Variants in TNN observed in about 807,000 individuals in gnomAD.
TNN encodes tenascin-N.
A neutral mutation model predicts 134.4 loss-of-function variants in TNN; 122 were observed. The ratio of observed to expected loss-of-function variants is 0.91; its 90% confidence interval spans 0.78 to 1.06. The LOEUF is 1.06. Among genes scored for constraint, TNN ranks in the 50% least tolerant of loss-of-function variants. The pLI is 0.00. For missense variants in TNN, 1,739 were observed against 1,699.4 expected, an observed-to-expected ratio of 1.02 and a Z score of -0.41; for synonymous variants, 710 against 670.3, an observed-to-expected ratio of 1.06 and a Z score of -0.91.
At chr1:175,143,503 G>T (rs1201195980) in intron 17 of TNN, among the ~76,000 whole-genome samples, 1 of 132,326 alleles carries the variant, frequency 7.6e-6, no homozygotes, top group East Asian at 2.7e-4. Flanking sequence ...GGAAGTTCAG[G>T]AGTGTTTGTG....
chr1:175,125,014 G>A (rs969695301), intron 12 of TNN, among the ~76,000 whole-genome samples: 1 of 152,234 alleles, frequency 6.6e-6, no homozygotes, highest in Non-Finnish European at 1.5e-5. Flanking sequence ...CAGTCAAAGA[G>A]GTGGCAGGAG....
At chr1:175,104,359 C>T (rs541530860) in intron 9 of TNN, among the ~76,000 whole-genome samples, 1 of 145,962 alleles carries the variant, frequency 6.9e-6, no homozygotes, top group Non-Finnish European at 1.5e-5. Context: ...GTTGGATCAT[C>T]TGGTTGGGGG....
At chr1:175,100,096 C>A (rs1260960592) in intron 9 of TNN, among the ~76,000 whole-genome samples, 3 of 152,204 alleles carry the variant, frequency 2.0e-5, no homozygotes, top group East Asian at 1.9e-4. Flanking sequence ...TGTGTCAGAG[C>A]AACCAGCTAT....
chr1:175,100,274 T>C (rs1674685607), intron 9 of TNN, among the ~76,000 whole-genome samples: 1 of 152,146 alleles, frequency 6.6e-6, no homozygotes. Context: ...CCCTGATGTC[T>C]CCCCCTATCC....
At position 175,106,656 on chromosome 1, in the gene TNN, A is replaced by T. The variant is rs1674861266; in HGVS notation, c.2119+8061A>T. Among the ~76,000 whole-genome samples, 2 of 146,286 alleles carry T rather than the reference A, an allele frequency of 1.4e-5. 1 individual carries two copies. The highest frequency in any genetic ancestry group is 1.4e-4 in the Admixed American group (2 of 14,654). ...TAGGACCCAGAGGGCAAGGGTCAGG[A>T]TAGATAGGATAGATAGGCGAGTGTC... On this transcript the variant is annotated intron_variant, in intron 9 of 18. Coordinates refer to ENST00000239462, the MANE Select transcript of TNN (RefSeq NM_022093.2).
At position 175,120,990 on chromosome 1, in the gene TNN, G is replaced by A. The variant is rs1246485020; in HGVS notation, c.2650+2166G>A. Among the ~76,000 whole-genome samples the A allele has an allele frequency of 5.9e-5, 9 of 152,054 alleles. 1 individual carries two copies. ...ATTTTTTATTTCTTTTAGAGATGGG[G>A]TCTCACTGTGTTGAACTCCTGGGCT... On this transcript the variant is annotated intron_variant, in intron 11 of 18. Coordinates refer to ENST00000239462, the MANE Select transcript of TNN (RefSeq NM_022093.2).
intron 11 of TNN, 121 bp downstream of exon 11, chr1:175,118,945 G>T (rs1675268545): frequency 1.5e-6 from 2 of 1,324,180 alleles, no homozygotes; most frequent in Non-Finnish European, 1.0e-6. Context: ...TGTTTTAGGA[G>T]AGTTTGCTGT....
At position 175,083,940 on chromosome 1, in the gene TNN, G is replaced by A. The variant is rs554640441; in HGVS notation, c.1234+5G>A. The A allele has an allele frequency of 2.2e-5, 36 of 1,613,468 alleles. No homozygotes were observed. The highest frequency in any genetic ancestry group is 1.9e-4 in the South Asian group (17 of 91,004). On this transcript the variant is annotated splice_donor_5th_base_variant and intron_variant, in intron 5 of 18. Coordinates refer to ENST00000239462, the MANE Select transcript of TNN (RefSeq NM_022093.2). ...AGAGCCGATATGACATCACTGGTAA[G>A]AGCCATCACTGGAATGTGAGATGTA...
intron 15 of TNN, 114 bp downstream of exon 15, chr1:175,128,860 G>A (rs2101845301): frequency 8.5e-7 from 1 of 1,175,180 alleles, no homozygotes; most frequent in Non-Finnish European, 1.1e-6. Flanking sequence ...TCCACCCATG[G>A]AAGAGAGGAG....
Position 175,098,384 on chromosome 1 carries a change from C to T in TNN, c.1908C>T (p.Ala636=). ...LVTDRVTENM[A]TVSWDPVQAA... ...CTGACCGGGTGACAGAGAATATGGC[C>T]ACGGTCTCCTGGGACCCGGTGCAGG... Residue 636 remains alanine (A), a synonymous_variant, in exon 9 of 19, where the codon GCC becomes GCT. Transcript: ENST00000239462. The T allele has an allele frequency of 6.2e-7, 1 of 1,614,172 alleles. No homozygotes were observed. Among genetic ancestry groups the T allele is most frequent in the Non-Finnish European group, 8.5e-7 (1 of 1,180,042 alleles).
chr1:175,099,352 G>C (rs1341999864), intron 9 of TNN, among the ~76,000 whole-genome samples: 1 of 152,116 alleles, frequency 6.6e-6, no homozygotes, highest in Non-Finnish European at 1.5e-5. Flanking sequence ...CAGAAGTGAA[G>C]GGTCAGGAAG....
intron 9 of TNN, among the ~76,000 whole-genome samples, chr1:175,105,685 C>A (rs750983274): frequency 6.9e-6 from 1 of 145,526 alleles, no homozygotes; most frequent in African/African-American, 2.5e-5. Flanking sequence ...GGGGCCAAGC[C>A]GTAGTGCAGG....
rs141793484 is a variant in TNN, at chr1:175,126,836, T to G, written c.2915-119T>G. On this transcript the variant is annotated intron_variant, in intron 12 of 18. Coordinates refer to ENST00000239462, the MANE Select transcript of TNN (RefSeq NM_022093.2). ...GGAGGAAGAGAGCCTGCAAACTGCT[T>G]GAAAGAAGGAGGAGAAATGGGAGGG... is the stretch of plus-strand genomic sequence containing the variant. 135 of 1,169,524 alleles carry G rather than the reference T, an allele frequency of 1.2e-4. 1 individual carries two copies. In the African/African-American group the frequency reaches 2.0e-3, roughly 17 times the overall value. 72.4% of individuals were successfully genotyped at this position (1,169,524 alleles called of 1,614,324 possible).
chr1:175,097,592 A>T lies in TNN; in HGVS notation c.1764A>T (p.Thr588=), dbSNP rs757931381. Residue 588 remains threonine, a synonymous_variant, in exon 8 of 19, where the codon ACA becomes ACT. Coordinates refer to ENST00000239462, the MANE Select transcript of TNN (RefSeq NM_022093.2). ...AGGAGCAGAGCAGCACTGTCCTGAC[A>T]GGCCTGAGGCCAGGTGTGGAGTACA... ...VGKEQSSTVL[T]GLRPGVEYTV... 24 of 1,614,230 alleles carry T rather than the reference A, an allele frequency of 1.5e-5. No homozygotes were observed. In the South Asian group the frequency reaches 2.6e-4, roughly 18 times the overall value.
chr1:175,146,912 T>C lies in TNN; in HGVS notation c.3760-19T>C, dbSNP rs560080535. 9.0e-5 allele frequency: 84 copies of C among 929,498 alleles called. No homozygotes were observed. In the African/African-American group the frequency reaches 1.1e-3, roughly 12 times the overall value. 57.6% of individuals were successfully genotyped at this position (929,498 alleles called of 1,614,324 possible). On this transcript the variant is annotated intron_variant, in intron 18 of 18. Transcript: ENST00000239462. ...CTAAGAGCCTCTTCTTGATGTGGCTTTTTTTTTTTTTTTGGTAGGGGGTGA... is the reference window on the plus strand; with the variant it reads ...CTAAGAGCCTCTTCTTGATGTGGCTCTTTTTTTTTTTTTGGTAGGGGGTGA...
intron 1 of TNN, among the ~76,000 whole-genome samples, chr1:175,070,459 T>C (rs1044774317): frequency 6.6e-6 from 1 of 152,170 alleles, no homozygotes; most frequent in Non-Finnish European, 1.5e-5. Context: ...AAAAGGGTTC[T>C]AGCACGGTGG....
intron 15 of TNN, among the ~76,000 whole-genome samples, chr1:175,130,802 G>C (rs368207192): frequency 5.3e-5 from 8 of 152,220 alleles, no homozygotes; most frequent in Admixed American, 1.3e-4. Context: ...TTTACATCCT[G>C]CTCATGCAAA....
At chr1:175,131,585 T>A (rs1675674351) in intron 15 of TNN, among the ~76,000 whole-genome samples, 1 of 152,170 alleles carries the variant, frequency 6.6e-6, no homozygotes, top group Non-Finnish European at 1.5e-5. Context: ...GTATAAATGA[T>A]CCCTGTGGGT....
chr1:175,123,835 A>G (rs1407782354), intron 12 of TNN, among the ~76,000 whole-genome samples, 172 bp downstream of exon 12: 2 of 109,842 alleles, frequency 1.8e-5, no homozygotes, highest in Non-Finnish European at 3.8e-5. Flanking sequence ...AACAGCTCAG[A>G]TAAGATGAGA....
Sources: gnomAD v4.1 joint callset for allele counts (sites outside exome capture counted in the v4.1 genomes callset) on GRCh38, gnomAD v4.1.1 for gene constraint, MANE v1.5 for transcripts, NCBI Gene and HGNC (gene_info 2026-07-23, HGNC 2026-07-21) for gene names.